RHPN1: variants seen among roughly 807,000 people sequenced by gnomAD.
The protein encoded by RHPN1 is rhophilin-1.
A neutral mutation model predicts 74.7 loss-of-function variants in RHPN1; 77 were observed. The ratio of observed to expected loss-of-function variants is 1.03; its 90% CI spans 0.86 to 1.25. RHPN1 has a LOEUF of 1.25. RHPN1 is among the 50% of genes most tolerant of loss of function. The probability of loss-of-function intolerance (pLI) is 0.00; values close to 1 mark genes in which losing one functional copy is unlikely to be tolerated. For synonymous variants in RHPN1, 444 were observed against 414.5 expected (o/e 1.07, Z -0.87); for missense variants, 987 against 932.2 (o/e 1.06, Z -0.77).
intron 1 of RHPN1, chr8:143,374,287 T>G: frequency 1.0e-6 from 1 of 985,450 alleles, no homozygotes; most frequent in Non-Finnish European, 1.2e-6. Flanking sequence ...CGCAGCTTCA[T>G]GCAGTGGTAG....
chr8:143,380,412 C>CA, intron 10 of RHPN1, 177 bp from the exon 11 acceptor site: 1 of 670,122 alleles, frequency 1.5e-6, no homozygotes, highest in South Asian at 2.0e-5. Context: ...ATCCCTGGCC[C>CA]CTGCTTTGCA....
chr8:143,371,894 G>C lies in RHPN1; in HGVS notation c.60+2847G>C, dbSNP rs1817845871. On this transcript the variant is annotated intron_variant, in intron 1 of 14. Transcript: ENST00000289013. The stretch of plus-strand genomic sequence containing the variant: ...GCCTGTGTCTATGCCCCTTCCACTG[G>C]GCTCAACCTTCAACCCAGTGTGGAA... Among the ~76,000 whole-genome samples, 3 of 152,314 alleles carry C rather than the reference G, an allele frequency of 2.0e-5. No individual in the cohort carries two copies. The East Asian group carries it at 5.8e-4, about 29-fold the overall frequency.
In RHPN1 at chr8:143,379,857, G is replaced by A. The variant is rs554287306; in HGVS notation, c.974G>A (p.Arg325Gln). Reference sequence around the variant, plus strand: ...GCAGCCGAGTACAGGCTAGTGCACCGGACCATGGCCCAGCCACCCGTCCAC... The same window carrying A: ...GCAGCCGAGTACAGGCTAGTGCACCAGACCATGGCCCAGCCACCCGTCCAC... ...QVAAEYRLVH[R>Q]TMAQPPVHDY... Residue 325 changes from arginine (R) to glutamine (Q), a missense_variant, in exon 9 of 15, where the codon CGG becomes CAG. Arg to Gln is a conservative substitution (Grantham distance 43, BLOSUM62 1). Coordinates refer to ENST00000289013, the MANE Select transcript of RHPN1 (RefSeq NM_052924.3). 2.4e-5 allele frequency: 39 copies of A among 1,610,558 alleles called. No homozygotes were observed. The highest frequency in any genetic ancestry group is 1.4e-4 in the South Asian group (13 of 90,864).
At chr8:143,374,089 T>C in intron 1 of RHPN1, 3 of 978,470 alleles carry the variant, frequency 3.1e-6, no homozygotes, top group Non-Finnish European at 3.6e-6. Flanking sequence ...CTAATTAAAA[T>C]GCACACAAAG....
rs762422097 is a variant in RHPN1 at position 143,381,619 on chromosome 8, G to A, written c.1536G>A (p.Gly512=). 6.2e-7 allele frequency: 1 copy of A among 1,610,500 alleles called. No homozygotes were observed. Among genetic ancestry groups the A allele is most frequent in the Admixed American group, 1.7e-5 (1 of 59,742 alleles). ...CCAAGAACCGGTGGCGGCTGGTGGG[G>A]CCCGTCCACCTGACCCGAGGAGAGG... ...FSAKNRWRLV[G]PVHLTRGEGG... is the part of the protein sequence containing the mutation. Residue 512 remains glycine, a synonymous_variant, in exon 13 of 15, where the codon GGG becomes GGA. Coordinates refer to ENST00000289013, the MANE Select transcript of RHPN1 (RefSeq NM_052924.3).
At chr8:143,379,185 G>C in intron 7 of RHPN1, 107 bp downstream of exon 7, 1 of 1,376,860 alleles carries the variant, frequency 7.3e-7, no homozygotes, top group Non-Finnish European at 9.6e-7. Flanking sequence ...AGTCCCTCAG[G>C]TAGGGGGAGT....
chr8:143,364,773 C>T (rs1258307274), upstream of RHPN1, among the ~76,000 whole-genome samples: 4 of 152,106 alleles, frequency 2.6e-5, no homozygotes, highest in Non-Finnish European at 5.9e-5. This position sits in a 1 kb window ranked among gnomAD's most constrained non-coding sequence, Gnocchi z 4.5. Flanking sequence ...GGCTTTCTCA[C>T]GAACATAACA....
intron 1 of RHPN1, among the ~76,000 whole-genome samples, chr8:143,371,833 G>A (rs570253470): frequency 6.6e-6 from 1 of 152,356 alleles, no homozygotes; most frequent in South Asian, 2.1e-4. Context: ...TGTCTCCAGA[G>A]GGTGGGGAGG....
chr8:143,376,739 CTCTG>C (rs936637895), intron 3 of RHPN1, 86 bp downstream of exon 3: 2 of 1,419,336 alleles, frequency 1.4e-6, no homozygotes, highest in Non-Finnish European at 1.9e-6. Flanking sequence ...GCATGTGTGT[CTCTG>C]TGTGTATATG....
intron 3 of RHPN1, 51 bp downstream of exon 3, chr8:143,376,704 CGTGT>C (rs761483146): frequency 6.6e-7 from 1 of 1,520,582 alleles, no homozygotes; most frequent in East Asian, 2.5e-5. Context: ...TGCACGTGTG[CGTGT>C]GTGTGTGCAT....
intron 3 of RHPN1, 49 bp downstream of exon 3, chr8:143,376,702 TGC>T (rs368201560): frequency 9.5e-4 from 1,402 of 1,480,112 alleles, no homozygotes; most frequent in Middle Eastern, 2.0e-3. Context: ...TGTGCACGTG[TGC>T]GTGTGTGTGT....
chr8:143,380,026 C>CT, intron 9 of RHPN1, 36 bp from the exon 10 acceptor site: 1 of 1,548,672 alleles, frequency 6.5e-7, no homozygotes, highest in Non-Finnish European at 8.7e-7. Flanking sequence ...TGCCAAGGCC[C>CT]CCCCGCGCAG....
At chr8:143,376,973 C>A (rs112864544) in intron 3 of RHPN1, among the ~76,000 whole-genome samples, 17,001 of 149,168 alleles carry the variant, frequency 0.11, 1,225 homozygotes, top group South Asian at 0.22. Flanking sequence ...CACGTGTCTG[C>A]GTGCGTGTGC....
chr8:143,376,854 G>A (rs1200246838), intron 3 of RHPN1, among the ~76,000 whole-genome samples: 1 of 28,204 alleles, frequency 3.5e-5, no homozygotes, highest in Non-Finnish European at 6.1e-5. Context: ...GTGTGTGCGT[G>A]TGTCTCTGTG....
At chr8:143,366,261 T>C (rs1418883556), upstream of RHPN1, among the ~76,000 whole-genome samples, 4 of 152,184 alleles carry the variant, frequency 2.6e-5, no homozygotes. Context: ...TCCAGTTCCC[T>C]GCCTGTCACA....
chr8:143,364,568 G>A (rs1183512005), upstream of RHPN1, among the ~76,000 whole-genome samples: 6 of 151,934 alleles, frequency 3.9e-5, no homozygotes, highest in East Asian at 3.9e-4. This position sits in a 1 kb window ranked among gnomAD's most constrained non-coding sequence, Gnocchi z 4.5. Context: ...CCATGCTCCC[G>A]GCAAGCTAAT....
rs1191049709 is a variant in RHPN1, at chr8:143,368,887, C to T, written c.-101C>T. 5.1e-5 allele frequency: 45 copies of T among 874,706 alleles called. No individual in the cohort carries two copies. Among genetic ancestry groups the T allele is most frequent in the Non-Finnish European group, 6.8e-5 (44 of 650,782 alleles). 54.2% of individuals were successfully genotyped at this position (874,706 alleles called of 1,614,324 possible). On this transcript the variant is annotated 5_prime_UTR_variant, in exon 1 of 15. Transcript: ENST00000289013. ...GGACCGGCGCGGGCACTCAGGAGCC[C>T]GCGGCCCAGGTGGTGCGGGCGGCCC...
chr8:143,378,855 G>A (rs1296453690), intron 6 of RHPN1, 35 bp downstream of exon 6: 2 of 1,569,006 alleles, frequency 1.3e-6, no homozygotes, highest in South Asian at 2.3e-5. Context: ...CCCTGGGGAG[G>A]GGAGGCCCAG....
chr8:143,369,749 C>T (rs1188361650), intron 1 of RHPN1, among the ~76,000 whole-genome samples: 1 of 152,232 alleles, frequency 6.6e-6, no homozygotes, highest in Non-Finnish European at 1.5e-5. Context: ...CGCCCACGCC[C>T]GCCACGGGCT....
Sources: allele counts gnomAD v4.1 joint callset (sites outside exome capture counted in the v4.1 genomes callset), GRCh38; gene constraint gnomAD v4.1.1; non-coding constraint Gnocchi (gnomAD v3.1); transcripts MANE v1.5; gene names NCBI Gene and HGNC (gene_info 2026-07-23, HGNC 2026-07-21).